The following RGS3 variants were observed in gnomAD, a reference collection of about 807,000 sequenced individuals.
The protein encoded by RGS3 is regulator of G-protein signalling 3.
In RGS3, 80 loss-of-function variants were observed where a neutral mutation model predicts 132.6. The observed-to-expected ratio is 0.60, with a 90% CI of 0.50 to 0.73. The LOEUF (loss-of-function observed/expected upper bound fraction) is 0.73, where lower values mean the gene tolerates loss of function less well. RGS3 is among the 30% of genes least tolerant of loss of function. The probability of loss-of-function intolerance (pLI) is 0.00; values close to 1 mark genes in which losing one functional copy is unlikely to be tolerated. For synonymous variants in RGS3, 598 were observed against 620.6 expected (o/e 0.96, Z 0.54); for missense variants, 1,382 against 1,530.8 (o/e 0.90, Z 1.62).
Position 113,465,341 on chromosome 9 carries a change from A to G in RGS3, c.415+3140A>G, listed in dbSNP as rs538984328. Among the ~76,000 whole-genome samples the G allele has an allele frequency of 7.2e-5, 11 of 152,218 alleles. No homozygotes were observed. In the East Asian group the frequency reaches 1.9e-3, roughly 27 times the overall value. On this transcript the variant is annotated intron_variant, in intron 3 of 24. Transcript: ENST00000350696. ...GTGTTTACTGCTGAAAACTTAGTGA[A>G]AAGAAGAAAGTGAAAATCACTTGTA...
intron 19 of RGS3, among the ~76,000 whole-genome samples, chr9:113,576,772 C>T (rs1236511615): frequency 6.6e-6 from 1 of 152,166 alleles, no homozygotes; most frequent in Non-Finnish European, 1.5e-5. Flanking sequence ...CCAGCCACAG[C>T]AACGTTTTAA....
At chr9:113,488,703 TAAAC>T (rs1488130590) in intron 7 of RGS3, among the ~76,000 whole-genome samples, 1 of 152,186 alleles carries the variant, frequency 6.6e-6, no homozygotes, top group African/African-American at 2.4e-5. Flanking sequence ...GATGCCTTAT[TAAAC>T]AAACTACAGC....
At chr9:113,521,391 A>T (rs531561624) in intron 16 of RGS3, among the ~76,000 whole-genome samples, 1 of 152,252 alleles carries the variant, frequency 6.6e-6, no homozygotes, top group Admixed American at 6.5e-5. Context: ...ATACACATTA[A>T]ATCAAAATGT....
chr9:113,518,706 ACCT>A (rs1831797042), intron 16 of RGS3, among the ~76,000 whole-genome samples: 1 of 151,460 alleles, frequency 6.6e-6, no homozygotes, highest in African/African-American at 2.4e-5. Context: ...GTATTTCTGG[ACCT>A]CCTCTTTTCC....
At chr9:113,594,967 G>A (rs1835684503) in exon 23 of RGS3, 1 of 1,614,016 alleles carries the variant, frequency 6.2e-7, no homozygotes, top group African/African-American at 1.3e-5. Context: ...TGGAGAAGCT[G>A]CTGGTTCACA....
At position 113,565,006 on chromosome 9, in the gene RGS3, C is replaced by T; in HGVS notation, c.2038-18444C>T. On this transcript the variant is annotated intron_variant, in intron 19 of 24. Coordinates refer to ENST00000350696, the Ensembl canonical transcript of RGS3. The surrounding 1 kb of genome is among the most constrained non-coding windows in gnomAD (Gnocchi z 5.7). ...GGCTGGAGGCGGCTTTGCGCTGCCCCAGCCTGGGAGCCCTCAGGATGTGTG... is the reference window on the plus strand; with the variant it reads ...GGCTGGAGGCGGCTTTGCGCTGCCCTAGCCTGGGAGCCCTCAGGATGTGTG... 4 of 1,031,922 alleles carry T rather than the reference C, an allele frequency of 3.9e-6. No homozygotes were observed. Among genetic ancestry groups the T allele is most frequent in the South Asian group, 3.2e-5 (1 of 31,538 alleles). 63.9% of individuals were successfully genotyped at this position (1,031,922 alleles called of 1,614,324 possible).
At chr9:113,452,908 T>A (rs1421737335) in intron 1 of RGS3, among the ~76,000 whole-genome samples, 1 of 137,362 alleles carries the variant, frequency 7.3e-6, no homozygotes, top group East Asian at 2.0e-4. Context: ...TATAAATATA[T>A]ATTATATATT....
intron 18 of RGS3, among the ~76,000 whole-genome samples, chr9:113,532,562 A>C (rs999700162): frequency 5.3e-5 from 8 of 152,240 alleles, no homozygotes; most frequent in African/African-American, 1.9e-4. Flanking sequence ...TCTCAGGTGA[A>C]GAAATAATGG....
intron 3 of RGS3, among the ~76,000 whole-genome samples, chr9:113,471,437 C>T (rs1829827497): frequency 1.3e-5 from 2 of 152,012 alleles, no homozygotes; most frequent in South Asian, 4.1e-4. Flanking sequence ...CCTGGTAGCT[C>T]CTCTCTCTCT....
At chr9:113,520,289 C>T (rs924482382) in intron 16 of RGS3, among the ~76,000 whole-genome samples, 4 of 152,242 alleles carry the variant, frequency 2.6e-5, no homozygotes, top group African/African-American at 9.6e-5. Context: ...GGGGAGTCCA[C>T]ATGCCCTCCC....
intron 17 of RGS3, among the ~76,000 whole-genome samples, chr9:113,527,938 G>A (rs923199885): frequency 2.6e-5 from 4 of 152,222 alleles, no homozygotes; most frequent in African/African-American, 9.7e-5. Flanking sequence ...TGAGAGGTGG[G>A]CTGTGTAGTG....
At chr9:113,523,420 A>G (rs61038047) in intron 17 of RGS3, among the ~76,000 whole-genome samples, 1 of 152,190 alleles carries the variant, frequency 6.6e-6, no homozygotes, top group African/African-American at 2.4e-5. Context: ...GGATAAAAAT[A>G]GTAACCGAGA....
Position 113,553,462 on chromosome 9 carries a change from AT to A in RGS3, c.2037+16545del, listed in dbSNP as rs1564562564. 3.2e-3 allele frequency among the ~76,000 whole-genome samples: 232 copies of A among 72,600 alleles called. 4 individuals are homozygous for A. The highest frequency in any genetic ancestry group is 9.8e-3 in the African/African-American group (155 of 15,888). 47.6% of individuals were successfully genotyped at this position (72,600 alleles called of 152,430 possible). ...TGTTTAAAAAAAAAAAAAAAAAAAT[AT>A]ATATATATATATATATATATATATA... On this transcript the variant is annotated intron_variant, in intron 19 of 24. Coordinates refer to ENST00000350696, the Ensembl canonical transcript of RGS3.
chr9:113,476,250 G>A (rs1340798847), intron 3 of RGS3, among the ~76,000 whole-genome samples: 1 of 152,200 alleles, frequency 6.6e-6, no homozygotes, highest in Admixed American at 6.5e-5. Context: ...CCAGAAGACT[G>A]TGCACAGGAA....
rs145400431 is a variant in RGS3, at chr9:113,469,042, ATTTTTTTT to A, written c.415+6856_415+6863del. The stretch of plus-strand genomic sequence containing the variant: ...TAGGAGTGTCATTGATTTGCTCAGC[ATTTTTTTT>A]TTTTTTTTTTTTTTGCCTCATGTTT... On this transcript the variant is annotated intron_variant, in intron 3 of 24. Coordinates refer to ENST00000350696, the Ensembl canonical transcript of RGS3. Among the ~76,000 whole-genome samples, 303 of 102,128 alleles carry A rather than the reference ATTTTTTTT, an allele frequency of 3.0e-3. 1 individual carries two copies. Among genetic ancestry groups the A allele is most frequent in the Middle Eastern group, 0.012 (2 of 170 alleles). 67.0% of individuals were successfully genotyped at this position (102,128 alleles called of 152,430 possible). A position where few individuals can be genotyped will look rare whatever the true frequency, so the allele number is the denominator to read the frequency against.
At chr9:113,476,754 CG>C (rs1297853131) in intron 3 of RGS3, among the ~76,000 whole-genome samples, 1 of 152,230 alleles carries the variant, frequency 6.6e-6, no homozygotes, top group Non-Finnish European at 1.5e-5. Context: ...TGCCCAGCCT[CG>C]TGCAGATGCC....
chr9:113,472,163 C>T (rs1385202657), intron 3 of RGS3, among the ~76,000 whole-genome samples: 2 of 152,126 alleles, frequency 1.3e-5, no homozygotes, highest in South Asian at 2.1e-4. Flanking sequence ...TGTACACTGC[C>T]GGCCGGAATG....
At chr9:113,561,522 C>T (rs1481977360) in intron 19 of RGS3, among the ~76,000 whole-genome samples, 2 of 151,674 alleles carry the variant, frequency 1.3e-5, no homozygotes, top group Non-Finnish European at 2.9e-5. Flanking sequence ...AAGCGATCCT[C>T]CCACTTCAGC....
intron 24 of RGS3, among the ~76,000 whole-genome samples, chr9:113,596,110 G>A (rs1026545932): frequency 3.3e-5 from 5 of 152,240 alleles, no homozygotes; most frequent in African/African-American, 1.2e-4. Context: ...CGAGCCAGGC[G>A]GATCACTTGA....
Sources: allele counts gnomAD v4.1 joint callset (sites outside exome capture counted in the v4.1 genomes callset), GRCh38; gene constraint gnomAD v4.1.1; non-coding constraint Gnocchi (gnomAD v3.1); transcripts MANE v1.5; gene names NCBI Gene and HGNC (gene_info 2026-07-23, HGNC 2026-07-21).